Variants in RBM20 observed in about 807,000 individuals in gnomAD.
The protein encoded by RBM20 is RNA binding motif protein 20.
Under a neutral mutation model 110.1 loss-of-function variants are expected in RBM20, and 51 were observed. That is an observed-to-expected ratio of 0.46 (90% CI 0.37 to 0.59). RBM20 has a LOEUF of 0.59. RBM20 is among the 20% of genes least tolerant of loss of function. The pLI is 0.00. For missense variants in RBM20, 1,512 were observed against 1,574.9 expected (o/e 0.96, Z 0.68); for synonymous variants, 589 against 618.2 (o/e 0.95, Z 0.70).
chr10:110,647,396 C>T lies in RBM20; in HGVS notation c.191+2751C>T, dbSNP rs143126291. On this transcript the variant is annotated intron_variant, in intron 1 of 13. Coordinates refer to ENST00000369519, the MANE Select transcript of RBM20 (RefSeq NM_001134363.3). ...TTTTTAGCTTCCATTAAGAATCATC[C>T]ATACCTTTTCTGCTCTTGTTTACTG... is the stretch of plus-strand genomic sequence containing the variant. Among the ~76,000 whole-genome samples the T allele has an allele frequency of 6.2e-3, 949 of 152,198 alleles. 6 individuals are homozygous for T. Among genetic ancestry groups the T allele is most frequent in the African/African-American group, 0.021 (852 of 41,550 alleles).
At chr10:110,657,119 C>A (rs191375657) in intron 1 of RBM20, among the ~76,000 whole-genome samples, 1 of 151,782 alleles carries the variant, frequency 6.6e-6, no homozygotes, top group African/African-American at 2.4e-5. Context: ...CGGGTTCAAG[C>A]GATTCTCCTG....
Position 110,727,143 on chromosome 10 carries a change from CTTTT to C in RBM20, c.192-53632_192-53629del, listed in dbSNP as rs57606079. Among the ~76,000 whole-genome samples, 345 of 80,624 alleles carry C rather than the reference CTTTT, an allele frequency of 4.3e-3. 2 individuals carry two copies. The highest frequency in any genetic ancestry group is 0.017 in the African/African-American group (328 of 18,754). The allele number at this position is 80,624 out of a possible 152,430, so 52.9% of individuals were successfully genotyped here. A position where few individuals can be genotyped will look rare whatever the true frequency, so the allele number is the denominator to read the frequency against. ...ACAGGCGTGAGTCACTGCACCCAGC[CTTTT>C]TTTTTTTTTTTTTTTTTTTTTTTTT... On this transcript the variant is annotated intron_variant, in intron 1 of 13. Coordinates refer to ENST00000369519, the MANE Select transcript of RBM20 (RefSeq NM_001134363.3).
intron 2 of RBM20, among the ~76,000 whole-genome samples, chr10:110,782,933 T>C (rs1053529933): frequency 1.3e-5 from 2 of 151,992 alleles, no homozygotes; most frequent in Non-Finnish European, 2.9e-5. Flanking sequence ...GCTCAAGGAT[T>C]TTGTCTCTCA....
At chr10:110,685,119 G>A (rs1862483652) in intron 1 of RBM20, among the ~76,000 whole-genome samples, 1 of 152,218 alleles carries the variant, frequency 6.6e-6, no homozygotes, top group South Asian at 2.1e-4. Context: ...TGTCCTTCCT[G>A]GGGTTTGTGG....
intron 1 of RBM20, among the ~76,000 whole-genome samples, chr10:110,762,486 A>T (rs1180452736): frequency 2.6e-5 from 4 of 152,342 alleles, no homozygotes; most frequent in Non-Finnish European, 5.9e-5. Context: ...AGAAGGGCTT[A>T]TTCTAAGTAT....
At chr10:110,728,293 A>G (rs1166410066) in intron 1 of RBM20, among the ~76,000 whole-genome samples, 1 of 152,152 alleles carries the variant, frequency 6.6e-6, no homozygotes, top group Non-Finnish European at 1.5e-5. Flanking sequence ...TTGATGCTGC[A>G]TGGCCCAGGG....
In RBM20 at chr10:110,838,792, A is replaced by G. The variant is rs967842101; in HGVS notation, c.*2814A>G. On this transcript the variant is annotated 3_prime_UTR_variant, in exon 14 of 14. Coordinates refer to ENST00000369519, the MANE Select transcript of RBM20 (RefSeq NM_001134363.3). ...AGAGATAAGGCGCTATCTGCCTTCAATCAGAACCTTCGGTTTAAAATCATC... is the reference window on the plus strand; with the variant it reads ...AGAGATAAGGCGCTATCTGCCTTCAGTCAGAACCTTCGGTTTAAAATCATC... 2 of 152,188 alleles carry G rather than the reference A, an allele frequency of 1.3e-5. No individual in the cohort carries two copies. The highest frequency in any genetic ancestry group is 4.8e-5 in the African/African-American group (2 of 41,438). 9.4% of individuals were successfully genotyped at this position (152,188 alleles called of 1,614,324 possible).
At chr10:110,716,772 C>A (rs1185384320) in intron 1 of RBM20, among the ~76,000 whole-genome samples, 1 of 151,818 alleles carries the variant, frequency 6.6e-6, no homozygotes, top group African/African-American at 2.4e-5. Context: ...AAAAAATTAG[C>A]CAGGTGTGGT....
At chr10:110,709,709 G>A (rs1354327916) in intron 1 of RBM20, among the ~76,000 whole-genome samples, 1 of 151,790 alleles carries the variant, frequency 6.6e-6, no homozygotes, top group African/African-American at 2.4e-5. Flanking sequence ...TGAGACTACA[G>A]GCGTGTGCCA....
chr10:110,758,655 T>G (rs561558922), intron 1 of RBM20, among the ~76,000 whole-genome samples: 1 of 152,340 alleles, frequency 6.6e-6, no homozygotes, highest in East Asian at 1.9e-4. Context: ...CGATGATATG[T>G]GCTGTCTAGC....
chr10:110,650,294 T>A (rs1861927755), intron 1 of RBM20, among the ~76,000 whole-genome samples: 1 of 152,240 alleles, frequency 6.6e-6, no homozygotes, highest in Admixed American at 6.5e-5. Flanking sequence ...CTGATGGATT[T>A]TATAAGATAA....
In RBM20 at chr10:110,644,529, T is replaced by C. The variant is rs2134792666; in HGVS notation, c.75T>C (p.Ser25=). ...AGCAGCCGGACAGAGTTGCCTGCAG[T>C]GTGCCTGGTGCCCGGGCGTCCCCGG... is the stretch of plus-strand genomic sequence containing the variant. The part of the protein sequence containing the change: ...GPEQPDRVAC[S]VPGARASPAP... The change falls in exon 1 of 14, where the codon AGT becomes AGC. Residue 25 remains serine, a synonymous_variant. Transcript: ENST00000369519. This position sits in a 1 kb window ranked among gnomAD's most constrained non-coding sequence, Gnocchi z 4.3. 6.5e-7 allele frequency: 1 copy of C among 1,529,118 alleles called. No homozygotes were observed. Among genetic ancestry groups the C allele is most frequent in the Non-Finnish European group, 8.8e-7 (1 of 1,141,224 alleles). 94.7% of individuals were successfully genotyped at this position (1,529,118 alleles called of 1,614,324 possible).
intron 1 of RBM20, among the ~76,000 whole-genome samples, chr10:110,753,036 T>C (rs1002535274): frequency 4.7e-4 from 70 of 149,972 alleles, no homozygotes; most frequent in African/African-American, 1.6e-3. Context: ...CCTCCCGGGT[T>C]CAAGCAATTC....
At chr10:110,765,981 ACTTC>A (rs1844076940) in intron 1 of RBM20, among the ~76,000 whole-genome samples, 1 of 152,184 alleles carries the variant, frequency 6.6e-6, no homozygotes, top group South Asian at 2.1e-4. Context: ...GAATGAAATG[ACTTC>A]CTTATTTTCC....
intron 1 of RBM20, among the ~76,000 whole-genome samples, chr10:110,646,445 G>T (rs1414594816): frequency 6.6e-6 from 1 of 152,018 alleles, no homozygotes; most frequent in Admixed American, 6.6e-5. Flanking sequence ...TTCAAAGATG[G>T]CCCCTTCTAC....
At chr10:110,674,360 A>G (rs1039986909) in intron 1 of RBM20, among the ~76,000 whole-genome samples, 1 of 152,220 alleles carries the variant, frequency 6.6e-6, no homozygotes, top group Admixed American at 6.5e-5. Flanking sequence ...TCTTAAAACC[A>G]AGACTGCTGT....
At chr10:110,822,492 T>C (rs1280598827) in intron 11 of RBM20, 2 of 456,590 alleles carry the variant, frequency 4.4e-6, no homozygotes, top group African/African-American at 4.0e-5. Flanking sequence ...TGACGTTTTG[T>C]GCCTATGCCC....
intron 1 of RBM20, among the ~76,000 whole-genome samples, chr10:110,725,935 G>A (rs946021338): frequency 6.6e-6 from 1 of 152,004 alleles, no homozygotes; most frequent in African/African-American, 2.4e-5. Context: ...CCTCCTTCCT[G>A]CCCCCCTCCC....
intron 7 of RBM20, 148 bp from the exon 8 acceptor site, chr10:110,810,235 C>A: frequency 1.6e-6 from 1 of 630,014 alleles, no homozygotes. Flanking sequence ...TCACACTCAT[C>A]CGTTGGATTA....
Sources: allele counts gnomAD v4.1 joint callset (sites outside exome capture counted in the v4.1 genomes callset), GRCh38; gene constraint gnomAD v4.1.1; non-coding constraint Gnocchi (gnomAD v3.1); transcripts MANE v1.5; gene names NCBI Gene and HGNC (gene_info 2026-07-23, HGNC 2026-07-21).